OSBPL1A: variants seen among roughly 807,000 people sequenced by gnomAD.
OSBPL1A encodes oxysterol binding protein like 1A.
Under a neutral mutation model 137.1 loss-of-function variants are expected in OSBPL1A, and 80 were observed. That is an observed-to-expected ratio of 0.58 (90% CI 0.49 to 0.70). The LOEUF is 0.70. Among genes scored for constraint, OSBPL1A ranks in the 30% least tolerant of loss-of-function variants. The pLI is 0.00. For synonymous variants in OSBPL1A, 365 were observed against 389.7 expected (o/e 0.94, Z 0.75); for missense variants, 970 against 1,129.4 (o/e 0.86, Z 2.02).
At chr18:24,193,053 T>C (rs537494362) in intron 18 of OSBPL1A, among the ~76,000 whole-genome samples, 1 of 152,278 alleles carries the variant, frequency 6.6e-6, no homozygotes, top group South Asian at 2.1e-4. Context: ...TCTTAGGACT[T>C]ATTAACAAAT....
chr18:24,313,179 A>G (rs1187945812), intron 12 of OSBPL1A, among the ~76,000 whole-genome samples: 3 of 152,146 alleles, frequency 2.0e-5, no homozygotes, highest in African/African-American at 7.2e-5. Context: ...GCGGTGGCTC[A>G]TGCCTGTAAT....
intron 7 of OSBPL1A, chr18:24,321,593 G>A (rs575793934): frequency 2.2e-6 from 1 of 456,508 alleles, no homozygotes; most frequent in East Asian, 6.8e-5. Context: ...CTGGCCTTAA[G>A]TGTATTTTCA....
intron 18 of OSBPL1A, among the ~76,000 whole-genome samples, chr18:24,191,637 T>C (rs929856724): frequency 6.6e-6 from 1 of 152,242 alleles, no homozygotes; most frequent in Admixed American, 6.5e-5. Context: ...ACTAAAGTCT[T>C]ATAGAATATA....
At chr18:24,207,982 C>G (rs1171022976) in intron 17 of OSBPL1A, among the ~76,000 whole-genome samples, 1 of 152,104 alleles carries the variant, frequency 6.6e-6, no homozygotes, top group East Asian at 1.9e-4. Context: ...TGGCCTCAAG[C>G]TATCCACTCA....
intron 21 of OSBPL1A, among the ~76,000 whole-genome samples, chr18:24,175,135 T>TATATATATATATAC (rs1323687106): frequency 1.3e-4 from 13 of 96,638 alleles, no homozygotes; most frequent in South Asian, 3.5e-4. Flanking sequence ...TATATATATA[T>TATATATATATATAC]ACACATATAT....
At chr18:24,338,980 G>A (rs915756043) in intron 5 of OSBPL1A, among the ~76,000 whole-genome samples, 3 of 152,088 alleles carry the variant, frequency 2.0e-5, no homozygotes, top group Non-Finnish European at 2.9e-5. Flanking sequence ...CCAAAGTGCT[G>A]GGATTACAGG....
intron 5 of OSBPL1A, 56 bp downstream of exon 5, chr18:24,341,491 G>T: frequency 7.3e-7 from 1 of 1,369,150 alleles, no homozygotes; most frequent in Non-Finnish European, 1.0e-6. Flanking sequence ...TTTTTAGTCA[G>T]AACCTTGGTT....
chr18:24,272,019 T>G (rs971057759), intron 15 of OSBPL1A: 18 of 981,268 alleles, frequency 1.8e-5, no homozygotes, highest in African/African-American at 7.0e-5. Flanking sequence ...GGCGGCTCCC[T>G]GCGCGCGGCG....
intron 15 of OSBPL1A, among the ~76,000 whole-genome samples, chr18:24,279,120 A>G (rs182131938): frequency 6.6e-6 from 1 of 152,258 alleles, no homozygotes; most frequent in African/African-American, 2.4e-5. Context: ...CACAGCATTT[A>G]AAAATGTGTA....
intron 4 of OSBPL1A, among the ~76,000 whole-genome samples, chr18:24,351,347 C>CAAAAAAAAAAAAAAAAAAAAAAAAAAA (rs1172514692): frequency 1.1e-4 from 4 of 35,772 alleles, no homozygotes; most frequent in Non-Finnish European, 1.6e-4. Flanking sequence ...GACTCTGTCT[C>CAAAAAAAAAAAAAAAAAAAAAAAAAAA]AAAAAAAAAA....
At chr18:24,184,581 C>T (rs2086693271) in intron 18 of OSBPL1A, among the ~76,000 whole-genome samples, 1 of 152,172 alleles carries the variant, frequency 6.6e-6, no homozygotes, top group East Asian at 1.9e-4. Context: ...ATGTACTGCT[C>T]ACAACCGAGA....
chr18:24,334,216 G>A (rs759877954), intron 6 of OSBPL1A, 29 bp downstream of exon 6: 1 of 1,568,050 alleles, frequency 6.4e-7, no homozygotes, highest in East Asian at 2.3e-5. Flanking sequence ...ACTGCTTTTT[G>A]TCTTTTGGGG....
intron 16 of OSBPL1A, among the ~76,000 whole-genome samples, chr18:24,238,788 C>T (rs2088582682): frequency 6.6e-6 from 1 of 152,228 alleles, no homozygotes. Flanking sequence ...TACTGTGGCA[C>T]TTAGCATACT....
chr18:24,383,916 A>T (rs1319312375), intron 1 of OSBPL1A, among the ~76,000 whole-genome samples: 1 of 152,244 alleles, frequency 6.6e-6, no homozygotes, highest in Non-Finnish European at 1.5e-5. Flanking sequence ...CACTGGAGGT[A>T]CCATGATGGA....
intron 4 of OSBPL1A, among the ~76,000 whole-genome samples, chr18:24,356,608 T>A (rs1440936073): frequency 6.6e-6 from 1 of 152,122 alleles, no homozygotes; most frequent in Non-Finnish European, 1.5e-5. Context: ...GAAATTGGAA[T>A]AGACACACTT....
At chr18:24,394,823 G>GTA (rs10626849) in intron 1 of OSBPL1A, among the ~76,000 whole-genome samples, 70,449 of 151,320 alleles carry the variant, frequency 0.47, 17,105 homozygotes, top group South Asian at 0.62. Context: ...GTTAAAGACT[G>GTA]CTTTCACTAT....
chr18:24,365,565 CAG>C lies in OSBPL1A; in HGVS notation c.282+1325_282+1326del, dbSNP rs200453274. On this transcript the variant is annotated intron_variant, in intron 4 of 27. Transcript: ENST00000319481. ...CACCACTGCACTCCAACCTGGGCGA[CAG>C]AGCAAGACTCGGTCTCAAAAAAAAA... Among the ~76,000 whole-genome samples, 544 of 144,146 alleles carry C rather than the reference CAG, an allele frequency of 3.8e-3. 4 individuals are homozygous for C. Among genetic ancestry groups the C allele is most frequent in the African/African-American group, 0.013 (489 of 38,560 alleles). The allele number at this position is 144,146 out of a possible 152,430, so 94.6% of individuals were successfully genotyped here. A position where few individuals can be genotyped will look rare whatever the true frequency, so the allele number is the denominator to read the frequency against.
At chr18:24,208,783 G>A (rs4800181) in intron 17 of OSBPL1A, among the ~76,000 whole-genome samples, 143,530 of 152,272 alleles carry the variant, frequency 0.94, 68,135 homozygotes, top group Non-Finnish European at 1. Flanking sequence ...AAACTGTCCC[G>A]CGCACATTTA....
chr18:24,253,169 G>GT (rs906462777), intron 15 of OSBPL1A, among the ~76,000 whole-genome samples: 2 of 141,880 alleles, frequency 1.4e-5, no homozygotes, highest in East Asian at 4.6e-4. Flanking sequence ...AGACATGGCG[G>GT]GGGGGGGCGC....
Sources: allele counts gnomAD v4.1 joint callset (sites outside exome capture counted in the v4.1 genomes callset), GRCh38; gene constraint gnomAD v4.1.1; transcripts MANE v1.5; gene names NCBI Gene and HGNC (gene_info 2026-07-23, HGNC 2026-07-21).